MMP16: variants seen among roughly 807,000 people sequenced by gnomAD.
The protein encoded by MMP16 is matrix metallopeptidase 16.
In MMP16, 12 loss-of-function variants were observed where a neutral mutation model predicts 67.8. The observed-to-expected ratio is 0.18, with a 90% CI of 0.11 to 0.29. MMP16 has a LOEUF of 0.29. Ranked by LOEUF, MMP16 falls within the 10% of genes least tolerant of loss-of-function variation. The pLI is 1.00. For synonymous variants in MMP16, 249 were observed against 255.9 expected, an observed-to-expected ratio of 0.97 and a Z score of 0.26; for missense variants, 475 against 765.7, an observed-to-expected ratio of 0.62 and a Z score of 4.48.
intron 4 of MMP16, among the ~76,000 whole-genome samples, chr8:88,159,895 G>A (rs911451960): frequency 8.6e-5 from 13 of 151,468 alleles, no homozygotes; most frequent in African/African-American, 2.9e-4. Context: ...ATAATCATGC[G>A]GTTTTCGTCG....
At position 88,043,030 on chromosome 8, in the gene MMP16, T is replaced by A. The variant is rs141991260; in HGVS notation, c.1490-1235A>T. On this transcript the variant is annotated intron_variant, in intron 9 of 9. Transcript: ENST00000286614. ...CATAGTTTATAATCGTTAATGAAGG[T>A]AATATTTTTTCCTGTTTTATTGAGG... 8.7e-4 allele frequency among the ~76,000 whole-genome samples: 132 copies of A among 152,308 alleles called. 1 individual carries two copies. Among genetic ancestry groups the A allele is most frequent in the African/African-American group, 3.0e-3 (125 of 41,572 alleles).
intron 1 of MMP16, among the ~76,000 whole-genome samples, chr8:88,216,172 T>C (rs1245361232): frequency 6.6e-6 from 1 of 152,198 alleles, no homozygotes; most frequent in African/African-American, 2.4e-5. Flanking sequence ...ACTGTTCTAG[T>C]AATCTGGCAT....
At chr8:88,087,042 T>C (rs1474401718) in intron 6 of MMP16, among the ~76,000 whole-genome samples, 1 of 151,840 alleles carries the variant, frequency 6.6e-6, no homozygotes, top group African/African-American at 2.4e-5. Flanking sequence ...CAATATTCTG[T>C]TTAGGTGTCT....
At chr8:88,233,184 A>C (rs768037471) in intron 1 of MMP16, among the ~76,000 whole-genome samples, 3 of 152,172 alleles carry the variant, frequency 2.0e-5, no homozygotes, top group Non-Finnish European at 4.4e-5. Context: ...AGTGTTCAAC[A>C]AATGCCAGAT....
chr8:88,116,899 T>C (rs2118430736), intron 5 of MMP16, among the ~76,000 whole-genome samples, 181 bp from the exon 6 acceptor site: 1 of 152,148 alleles, frequency 6.6e-6, no homozygotes, highest in East Asian at 1.9e-4. Context: ...TTGCCAAGCC[T>C]ATCTGAAACC....
intron 1 of MMP16, among the ~76,000 whole-genome samples, chr8:88,212,952 G>T (rs1017049464): frequency 1.1e-4 from 16 of 152,148 alleles, no homozygotes; most frequent in Non-Finnish European, 1.8e-4. Flanking sequence ...AAGGGCTGAA[G>T]CAGAAAACTC....
At chr8:88,076,003 G>T (rs1049484573) in intron 6 of MMP16, among the ~76,000 whole-genome samples, 2 of 148,288 alleles carry the variant, frequency 1.3e-5, no homozygotes, top group African/African-American at 5.0e-5. Flanking sequence ...TTGGACTTCA[G>T]TTAATATGAT....
At chr8:88,108,911 T>G (rs147001886) in intron 6 of MMP16, among the ~76,000 whole-genome samples, 1,789 of 151,432 alleles carry the variant, frequency 0.012, 21 homozygotes, top group Middle Eastern at 0.048. Context: ...AGTTGTGTGT[T>G]GTAAAGTCTG....
At chr8:88,136,191 A>C (rs537423648) in intron 4 of MMP16, among the ~76,000 whole-genome samples, 41 of 151,942 alleles carry the variant, frequency 2.7e-4, no homozygotes, top group African/African-American at 8.9e-4. Context: ...TGACTAAAAA[A>C]GGTTCATGGA....
At chr8:88,053,976 C>T (rs1399870552) in intron 8 of MMP16, among the ~76,000 whole-genome samples, 2 of 152,034 alleles carry the variant, frequency 1.3e-5, no homozygotes, top group Admixed American at 1.3e-4. Flanking sequence ...AACCCTTTTC[C>T]CATTTTCTAT....
intron 3 of MMP16, among the ~76,000 whole-genome samples, chr8:88,181,104 G>A (rs1216621165): frequency 2.6e-5 from 4 of 152,056 alleles, no homozygotes; most frequent in African/African-American, 4.8e-5. Flanking sequence ...AGAACTATTC[G>A]TATTTTTCCT....
intron 8 of MMP16, among the ~76,000 whole-genome samples, chr8:88,052,284 A>G (rs562393544): frequency 6.6e-6 from 1 of 152,236 alleles, no homozygotes; most frequent in Non-Finnish European, 1.5e-5. Context: ...TTATCTCCAG[A>G]TAAGGTGCTA....
intron 6 of MMP16, among the ~76,000 whole-genome samples, chr8:88,075,336 T>A (rs1808629615): frequency 1.3e-5 from 2 of 152,206 alleles, no homozygotes; most frequent in South Asian, 4.1e-4. Context: ...ATTAATTGCC[T>A]TTCCTATCTG....
At chr8:88,248,832 A>T (rs1374693689) in intron 1 of MMP16, among the ~76,000 whole-genome samples, 1 of 152,008 alleles carries the variant, frequency 6.6e-6, no homozygotes, top group East Asian at 1.9e-4. Flanking sequence ...ATTATACTGC[A>T]GATATTTACT....
intron 3 of MMP16, among the ~76,000 whole-genome samples, chr8:88,169,156 A>G (rs985413591): frequency 6.6e-6 from 1 of 152,194 alleles, no homozygotes; most frequent in African/African-American, 2.4e-5. Context: ...ATGTCATTGT[A>G]TAAATAGGAT....
At chr8:88,048,832 T>C (rs538057270) in intron 8 of MMP16, among the ~76,000 whole-genome samples, 19 of 152,368 alleles carry the variant, frequency 1.2e-4, no homozygotes, top group African/African-American at 4.3e-4. Context: ...TTAGCCATTT[T>C]ATCTGAAATT....
intron 1 of MMP16, among the ~76,000 whole-genome samples, chr8:88,277,312 C>G (rs993309814): frequency 1.5e-4 from 23 of 152,148 alleles, no homozygotes; most frequent in Non-Finnish European, 2.5e-4. Flanking sequence ...TTATGTGTAT[C>G]TTCTTCAAAT....
chr8:88,168,662 T>G (rs963392025), intron 3 of MMP16, among the ~76,000 whole-genome samples: 2 of 152,202 alleles, frequency 1.3e-5, no homozygotes, highest in Admixed American at 1.3e-4. Flanking sequence ...CTTGATTCAT[T>G]TGGCACTAAA....
rs548665600 is a variant in MMP16 at position 88,298,704 on chromosome 8, G to A, written c.132+28371C>T. On this transcript the variant is annotated intron_variant, in intron 1 of 9. Coordinates refer to ENST00000286614, the MANE Select transcript of MMP16 (RefSeq NM_005941.5). ...TCCATGGCACAGGAAAAAAGTGACC[G>A]CAGGAGGTGATGAATAATAAATTAA... 3.9e-5 allele frequency among the ~76,000 whole-genome samples: 6 copies of A among 152,258 alleles called. No homozygotes were observed. In the South Asian group the frequency reaches 6.2e-4, roughly 16 times the overall value.
Sources: gnomAD v4.1 joint callset for allele counts (sites outside exome capture counted in the v4.1 genomes callset) on GRCh38, gnomAD v4.1.1 for gene constraint, MANE v1.5 for transcripts, NCBI Gene and HGNC (gene_info 2026-07-23, HGNC 2026-07-21) for gene names.